DCLK1: variants seen among roughly 807,000 people sequenced by gnomAD.
DCLK1 encodes the protein doublecortin like kinase 1, also known as serine/threonine-protein kinase DCLK1.
DCLK1 carries 16 observed loss-of-function variants against 86.2 expected under a neutral mutation model. The ratio of observed to expected loss-of-function variants is 0.19; its 90% CI spans 0.13 to 0.28. The LOEUF is 0.28. Among genes scored for constraint, DCLK1 ranks in the 10% least tolerant of loss-of-function variants. DCLK1 has a pLI of 1.00. For synonymous variants in DCLK1, 369 were observed against 370.5 expected, an observed-to-expected ratio of 1.00 and a Z score of 0.05; for missense variants, 590 against 940.2, an observed-to-expected ratio of 0.63 and a Z score of 4.87.
intron 6 of DCLK1, among the ~76,000 whole-genome samples, chr13:35,851,449 C>T (rs531570555): frequency 4.7e-4 from 71 of 152,072 alleles, no homozygotes; most frequent in African/African-American, 1.6e-3. Context: ...CTGCAGAGAG[C>T]GTCTAGAGTT....
chr13:36,021,783 C>T (rs1315047307), intron 3 of DCLK1, among the ~76,000 whole-genome samples: 1 of 152,022 alleles, frequency 6.6e-6, no homozygotes, highest in African/African-American at 2.4e-5. Context: ...GACCTGTACA[C>T]AATTCAACAA....
chr13:36,031,855 A>G (rs555323825), intron 3 of DCLK1, among the ~76,000 whole-genome samples: 1 of 152,254 alleles, frequency 6.6e-6, no homozygotes, highest in South Asian at 2.1e-4. Context: ...TTTGCATCTG[A>G]CTGAACCTCC....
At chr13:35,831,907 C>T (rs1261756064) in intron 8 of DCLK1, among the ~76,000 whole-genome samples, 1 of 152,136 alleles carries the variant, frequency 6.6e-6, no homozygotes, top group Non-Finnish European at 1.5e-5. Context: ...GGTTTGGAGA[C>T]AGCTGTCTTG....
chr13:36,036,062 A>G (rs888307047), intron 3 of DCLK1, among the ~76,000 whole-genome samples: 3 of 152,138 alleles, frequency 2.0e-5, no homozygotes, highest in Non-Finnish European at 2.9e-5. Context: ...GCACCTACCA[A>G]TAAAGGCTGG....
rs115156985 is a variant in DCLK1, at chr13:35,931,468, G to A, written c.823+15890C>T. 8.0e-3 allele frequency among the ~76,000 whole-genome samples: 1,218 copies of A among 152,292 alleles called. 11 individuals carry two copies. The highest frequency in any genetic ancestry group is 0.028 in the African/African-American group (1,153 of 41,564). On this transcript the variant is annotated intron_variant, in intron 4 of 16. Transcript: ENST00000360631. ...CAAAAGCTAACCATGAGCCTGCATG[G>A]TTTGGCAATTGTTAAAAGAAACCTT...
At chr13:35,850,466 T>C (rs960563964) in intron 6 of DCLK1, 2 of 1,156,664 alleles carry the variant, frequency 1.7e-6, no homozygotes, top group African/African-American at 1.6e-5. Flanking sequence ...CCAGGCCCTG[T>C]ACAAAAATCT....
At chr13:35,923,082 T>G (rs1037154893) in intron 4 of DCLK1, among the ~76,000 whole-genome samples, 5 of 152,032 alleles carry the variant, frequency 3.3e-5, no homozygotes, top group Non-Finnish European at 7.4e-5. Flanking sequence ...ATGAATCAAT[T>G]GGGAACTTAA....
At chr13:35,919,243 A>AT (rs956252836) in intron 4 of DCLK1, among the ~76,000 whole-genome samples, 31 of 150,858 alleles carry the variant, frequency 2.1e-4, no homozygotes, top group African/African-American at 4.9e-4. Context: ...TTAAAAGTGC[A>AT]TTTTTTTTTC....
At chr13:35,804,929 G>C (rs1262710998) in intron 15 of DCLK1, among the ~76,000 whole-genome samples, 1 of 152,198 alleles carries the variant, frequency 6.6e-6, no homozygotes, top group Non-Finnish European at 1.5e-5. Context: ...TACTGTGTTA[G>C]AATCTGCGTT....
Position 35,770,496 on chromosome 13 carries a change from T to A in DCLK1, c.*4039A>T, listed in dbSNP as rs146087439. 2.2e-4 allele frequency: 34 copies of A among 152,290 alleles called. No homozygotes were observed. Among genetic ancestry groups the A allele is most frequent in the African/African-American group, 7.9e-4 (33 of 41,566 alleles). The allele number at this position is 152,290 out of a possible 1,614,324, so 9.4% of individuals were successfully genotyped here. On this transcript the variant is annotated 3_prime_UTR_variant, in exon 17 of 17. Transcript: ENST00000360631. ...GAAGCACGTATCTTACCCTCTAAAC[T>A]GCATGCAAAGTAAGGGTCTGTGTGA... is the stretch of plus-strand genomic sequence containing the variant.
At chr13:36,037,134 C>T (rs1333851726) in intron 3 of DCLK1, among the ~76,000 whole-genome samples, 1 of 151,958 alleles carries the variant, frequency 6.6e-6, no homozygotes, top group Admixed American at 6.6e-5. Context: ...GTGAAATAAA[C>T]CAAATGCAGA....
chr13:35,938,386 T>C (rs1876888792), intron 4 of DCLK1, among the ~76,000 whole-genome samples: 1 of 152,054 alleles, frequency 6.6e-6, no homozygotes, highest in Non-Finnish European at 1.5e-5. Context: ...TCCCAGCACT[T>C]TGGGAGGCCA....
intron 3 of DCLK1, among the ~76,000 whole-genome samples, chr13:35,985,911 T>G (rs1879878819): frequency 6.6e-6 from 1 of 152,154 alleles, no homozygotes; most frequent in South Asian, 2.1e-4. Flanking sequence ...AGCACAGCAG[T>G]ATTGATCCCC....
intron 6 of DCLK1, among the ~76,000 whole-genome samples, chr13:35,844,726 G>C (rs1293612824): frequency 1.3e-5 from 2 of 152,130 alleles, no homozygotes; most frequent in Non-Finnish European, 2.9e-5. Context: ...GTTATATTAA[G>C]AAACTGCAAC....
chr13:35,800,883 A>ATTT (rs34873101), intron 15 of DCLK1, among the ~76,000 whole-genome samples: 3 of 135,292 alleles, frequency 2.2e-5, no homozygotes, highest in African/African-American at 2.8e-5. Flanking sequence ...TGCTGGGCTA[A>ATTT]TTTTTTTTTT....
intron 15 of DCLK1, among the ~76,000 whole-genome samples, chr13:35,796,968 G>A (rs1215505157): frequency 6.6e-6 from 1 of 152,176 alleles, no homozygotes; most frequent in African/African-American, 2.4e-5. Flanking sequence ...AGCATTTCAG[G>A]GACCCAGTGG....
intron 9 of DCLK1, 72 bp from the exon 10 acceptor site, chr13:35,827,826 T>C: frequency 9.6e-6 from 15 of 1,569,002 alleles, no homozygotes; most frequent in Non-Finnish European, 1.3e-5. Flanking sequence ...TGAGTACAAC[T>C]ATACTATGTA....
Position 35,907,181 on chromosome 13 carries a change from G to A in DCLK1, c.824-35841C>T, listed in dbSNP as rs536889420. 4.6e-5 allele frequency among the ~76,000 whole-genome samples: 7 copies of A among 152,128 alleles called. No individual in the cohort carries two copies. In the East Asian group the frequency reaches 1.4e-3, roughly 29 times the overall value. On this transcript the variant is annotated intron_variant, in intron 4 of 16. Transcript: ENST00000360631. ...TTTATTCATTTTCCTTTATTTATTT[G>A]AGACAGGGTCTCAGTCTATCACCCA...
intron 5 of DCLK1, 106 bp downstream of exon 5, chr13:35,871,118 G>C: frequency 1.1e-6 from 1 of 877,774 alleles, no homozygotes; most frequent in Non-Finnish European, 1.8e-6. Flanking sequence ...TTATAAACCG[G>C]AACCTACACT....
Sources: allele counts gnomAD v4.1 joint callset (sites outside exome capture counted in the v4.1 genomes callset), GRCh38; gene constraint gnomAD v4.1.1; transcripts MANE v1.5; gene names NCBI Gene and HGNC (gene_info 2026-07-23, HGNC 2026-07-21).